Variants in C11orf24 observed in about 807,000 individuals in gnomAD.
The protein encoded by C11orf24 is chromosome 11 open reading frame 24.
Under a neutral mutation model 7.3 loss-of-function variants are expected in C11orf24, and 5 were observed. That is an observed-to-expected ratio of 0.69 (90% CI 0.36 to 1.45). The LOEUF is 1.45. C11orf24 is among the 40% of genes most tolerant of loss of function. The pLI is 0.03. For synonymous variants in C11orf24, 233 were observed against 235.7 expected, an observed-to-expected ratio of 0.99 and a Z score of 0.11; for missense variants, 566 against 590.5, an observed-to-expected ratio of 0.96 and a Z score of 0.43.
In C11orf24 at chr11:68,262,938, G is replaced by A. The variant is rs781371821; in HGVS notation, c.77-20C>T. On this transcript the variant is annotated intron_variant, in intron 3 of 3. Coordinates refer to ENST00000304271, the MANE Select transcript of C11orf24 (RefSeq NM_022338.4). ...AGTTGCCTTAAAGTCAGAAAAAGGA[G>A]AAAAAGAGAGACAATCATGTTCAAT... 2.5e-6 allele frequency: 4 copies of A among 1,603,624 alleles called. No individual in the cohort carries two copies. Among genetic ancestry groups the A allele is most frequent in the Admixed American group, 1.7e-5 (1 of 59,442 alleles).
At position 68,263,227 on chromosome 11, in the gene C11orf24, A is replaced by G. The variant is rs1446375953; in HGVS notation, c.77-309T>C. The G allele has an allele frequency of 7.3e-5, 33 of 453,856 alleles. No individual in the cohort carries two copies. In the South Asian group the frequency reaches 9.4e-4, roughly 13 times the overall value. 28.1% of individuals were successfully genotyped at this position (453,856 alleles called of 1,614,324 possible). A position where few individuals can be genotyped will look rare whatever the true frequency, so the allele number is the denominator to read the frequency against. On this transcript the variant is annotated intron_variant, in intron 3 of 3. Coordinates refer to ENST00000304271, the MANE Select transcript of C11orf24 (RefSeq NM_022338.4). The stretch of plus-strand genomic sequence containing the variant: ...CAAAACATCAGAGTAAAAGTCTCAC[A>G]CAACAGGTGTGATTCACCATTAAAA...
chr11:68,265,283 G>C (rs1332744893), intron 2 of C11orf24, among the ~76,000 whole-genome samples: 1 of 152,220 alleles, frequency 6.6e-6, no homozygotes, highest in African/African-American at 2.4e-5. Flanking sequence ...GACAAGAACA[G>C]AAAGGTGCTT....
rs868800983 is a variant in C11orf24, at chr11:68,271,904, A to G, written c.-345T>C. The G allele has an allele frequency of 6.6e-6, 1 of 152,164 alleles. No homozygotes were observed. The highest frequency in any genetic ancestry group is 1.5e-5 in the Non-Finnish European group (1 of 68,024). 9.4% of individuals were successfully genotyped at this position (152,164 alleles called of 1,614,324 possible). The stretch of plus-strand genomic sequence containing the variant: ...GGCCTGGTGGCCCTCGGACAGTAGG[A>G]AGGAGCCTGAGGCCCGGCGCGGGGA... On this transcript the variant is annotated 5_prime_UTR_variant, in exon 1 of 4. Transcript: ENST00000304271.
chr11:68,267,123 C>T (rs1432909069), intron 2 of C11orf24: 1 of 152,214 alleles, frequency 6.6e-6, no homozygotes, highest in East Asian at 1.9e-4. Flanking sequence ...ATGGTTGTGT[C>T]CCAATAAAAC....
At chr11:68,266,119 C>T (rs1448995302) in intron 2 of C11orf24, among the ~76,000 whole-genome samples, 1 of 152,248 alleles carries the variant, frequency 6.6e-6, no homozygotes. Context: ...GCCAACAGCA[C>T]TGCCTGCGTT....
chr11:68,262,771 T>C lies in C11orf24; in HGVS notation c.224A>G (p.Asn75Ser). ...LTKGTSAAHL[N>S]SMEVTTEDTS... ...GTCCTCTGTTGTGACTTCCATAGAGTTGAGGTGGGCTGCCGAAGTCCCTTT... is the reference window on the plus strand; with the variant it reads ...GTCCTCTGTTGTGACTTCCATAGAGCTGAGGTGGGCTGCCGAAGTCCCTTT... The change falls in exon 4 of 4, where the codon AAC (asparagine) becomes AGC (serine). Residue 75 changes from asparagine to serine, a missense_variant. Coordinates refer to ENST00000304271, the MANE Select transcript of C11orf24 (RefSeq NM_022338.4). 4 of 1,614,038 alleles carry C rather than the reference T, an allele frequency of 2.5e-6. No individual in the cohort carries two copies. Among genetic ancestry groups the C allele is most frequent in the Non-Finnish European group, 3.4e-6 (4 of 1,179,996 alleles).
chr11:68,261,436 G>A lies in C11orf24; in HGVS notation c.*209C>T. The A allele has an allele frequency of 3.6e-6, 2 of 548,710 alleles. No individual in the cohort carries two copies. Among genetic ancestry groups the A allele is most frequent in the Non-Finnish European group, 3.2e-6 (1 of 313,986 alleles). The allele number at this position is 548,710 out of a possible 1,614,324, so 34.0% of individuals were successfully genotyped here. ...TGAGGTGGAACCCCCAGCTGCTCCTGGGCACAGAATCATTTACAAAAATAA... is the reference window on the plus strand; with the variant it reads ...TGAGGTGGAACCCCCAGCTGCTCCTAGGCACAGAATCATTTACAAAAATAA... On this transcript the variant is annotated 3_prime_UTR_variant, in exon 4 of 4. Coordinates refer to ENST00000304271, the MANE Select transcript of C11orf24 (RefSeq NM_022338.4).
At chr11:68,271,514 A>G (rs1291819242) in intron 1 of C11orf24, 1 of 152,260 alleles carries the variant, frequency 6.6e-6, no homozygotes, top group Non-Finnish European at 1.5e-5. Flanking sequence ...CCCCTTCCAG[A>G]GTGTCCCCAT....
At chr11:68,263,140 T>C in intron 3 of C11orf24, 2 of 582,664 alleles carry the variant, frequency 3.4e-6, no homozygotes, top group Non-Finnish European at 6.1e-6. Flanking sequence ...TAAAACTCCT[T>C]TGCCCTCTAT....
chr11:68,270,370 T>C (rs1473213696), intron 1 of C11orf24, among the ~76,000 whole-genome samples: 1 of 152,170 alleles, frequency 6.6e-6, no homozygotes, highest in South Asian at 2.1e-4. Flanking sequence ...TTCTGGTTCA[T>C]GACCTCGAGA....
Position 68,262,839 on chromosome 11 carries a change from A to G in C11orf24, c.156T>C (p.Ser52=). The change falls in exon 4 of 4, where the codon TCT becomes TCC. Residue 52 remains serine (S), a synonymous_variant. Transcript: ENST00000304271. ...AAGCTGCTGCCATGGTTACATCCTCAGACGTTTTATTATCAACTGTTTCCA... is the reference window on the plus strand; with the variant it reads ...AAGCTGCTGCCATGGTTACATCCTCGGACGTTTTATTATCAACTGTTTCCA... ...ASVETVDNKT[S]EDVTMAAASP... is the part of the protein sequence containing the mutation. The G allele has an allele frequency of 6.2e-7, 1 of 1,614,170 alleles. No homozygotes were observed. Among genetic ancestry groups the G allele is most frequent in the Middle Eastern group, 1.6e-4 (1 of 6,062 alleles).
rs1250442825 is a variant in C11orf24 at position 68,262,097 on chromosome 11, C to T, written c.898G>A (p.Glu300Lys). 3.7e-6 allele frequency: 6 copies of T among 1,613,880 alleles called. No individual in the cohort carries two copies. The highest frequency in any genetic ancestry group is 5.1e-6 in the Non-Finnish European group (6 of 1,179,996). The change falls in exon 4 of 4, where the codon GAG (glutamate) becomes AAG (lysine). Residue 300 changes from glutamate (E) to lysine (K), a missense_variant. By Grantham distance (56) the Glu-to-Lys change is moderately conservative. Coordinates refer to ENST00000304271, the MANE Select transcript of C11orf24 (RefSeq NM_022338.4). ...VVTTTKAQAR[E>K]PTASPVPVPH... ...ACTGGCACTGGGCTGGCAGTTGGCT[C>T]CCTGGCTTGTGCCTTGGTGGTGGTC...
At chr11:68,270,712 A>G (rs112897091) in intron 1 of C11orf24, among the ~76,000 whole-genome samples, 132 of 152,248 alleles carry the variant, frequency 8.7e-4, no homozygotes, top group African/African-American at 2.9e-3. Flanking sequence ...TCAGGCTATT[A>G]AGACTCACTC....
Position 68,261,646 on chromosome 11 carries a change from C to T in C11orf24, c.1349G>A (p.Ter450=). 1 of 1,597,654 alleles carries T rather than the reference C, an allele frequency of 6.3e-7. No individual in the cohort carries two copies. Among genetic ancestry groups the T allele is most frequent in the South Asian group, 1.1e-5 (1 of 90,730 alleles). ...INGMYADSEM[*] is the part of the protein sequence containing the mutation. ...CCTCCCGCCAGGCCCCCGCCCCCCTCACATTTCTGAGTCCGCATACATCCC... is the reference window on the plus strand; with the variant it reads ...CCTCCCGCCAGGCCCCCGCCCCCCTTACATTTCTGAGTCCGCATACATCCC... Residue 450 remains the stop codon, a stop_retained_variant, in exon 4 of 4, where the codon TGA becomes TAA. Coordinates refer to ENST00000304271, the MANE Select transcript of C11orf24 (RefSeq NM_022338.4).
chr11:68,264,427 C>T (rs1292582462), intron 2 of C11orf24, among the ~76,000 whole-genome samples: 1 of 150,966 alleles, frequency 6.6e-6, no homozygotes, highest in East Asian at 2.0e-4. Flanking sequence ...TCCATCCACT[C>T]ACCCATCCAT....
Position 68,262,543 on chromosome 11 carries a change from G to T in C11orf24, c.452C>A (p.Ala151Asp), listed in dbSNP as rs1565289686. The change falls in exon 4 of 4, where the codon GCC becomes GAC. Residue 151 changes from alanine to aspartate, a missense_variant. Ala to Asp is a moderately radical substitution (Grantham distance 126). Transcript: ENST00000304271. The part of the protein sequence containing the change: ...TVASIAPTTA[A>D]SSMTAASSTP... The stretch of plus-strand genomic sequence containing the variant: ...GCTGGAGGCCGCAGTCATACTGGAG[G>T]CTGCAGTCGTGGGAGCAATGGAGGC... 1 of 1,611,118 alleles carries T rather than the reference G, an allele frequency of 6.2e-7. No individual in the cohort carries two copies. Among genetic ancestry groups the T allele is most frequent in the Middle Eastern group, 1.7e-4 (1 of 5,990 alleles).
intron 2 of C11orf24, among the ~76,000 whole-genome samples, chr11:68,265,908 T>C (rs1004577003): frequency 2.0e-5 from 3 of 152,254 alleles, no homozygotes; most frequent in African/African-American, 7.2e-5. Flanking sequence ...CCCAGCTGCA[T>C]AGCTGTAGGC....
intron 1 of C11orf24, among the ~76,000 whole-genome samples, chr11:68,270,724 G>C (rs1277829799): frequency 1.3e-5 from 2 of 152,054 alleles, no homozygotes; most frequent in Admixed American, 1.3e-4. Flanking sequence ...GACTCACTCA[G>C]CCGCAACATG....
Position 68,262,272 on chromosome 11 carries a change from G to T in C11orf24, c.723C>A (p.Thr241=). ...GCATAGGGGGTACAGGGCTTGCCGC[G>T]GTGTCACTGGGCATGTGCTTGGAAG... ...PSPSKHMPSD[T]AASPVPPMRP... Residue 241 remains threonine, a synonymous_variant, in exon 4 of 4, where the codon ACC becomes ACA. Transcript: ENST00000304271. 1 of 1,613,278 alleles carries T rather than the reference G, an allele frequency of 6.2e-7. No homozygotes were observed.
Sources: allele counts gnomAD v4.1 joint callset (sites outside exome capture counted in the v4.1 genomes callset), GRCh38; gene constraint gnomAD v4.1.1; transcripts MANE v1.5; gene names NCBI Gene and HGNC (gene_info 2026-07-23, HGNC 2026-07-21).